The following L3MBTL4 variants were observed in gnomAD, a reference collection of about 807,000 sequenced individuals.
The protein encoded by L3MBTL4 is L3MBTL histone methyl-lysine binding protein 4.
A neutral mutation model predicts 84.5 loss-of-function variants in L3MBTL4; 70 were observed. The observed-to-expected ratio is 0.83, with a 90% CI of 0.68 to 1.01. L3MBTL4 has a LOEUF of 1.01. L3MBTL4 is among the 50% of genes least tolerant of loss of function. The pLI is 0.00. For synonymous variants in L3MBTL4, 274 were observed against 259.8 expected, an observed-to-expected ratio of 1.05 and a Z score of -0.52; for missense variants, 715 against 754.8, an observed-to-expected ratio of 0.95 and a Z score of 0.62.
At chr18:6,165,006 A>G (rs1195932510) in intron 13 of L3MBTL4, among the ~76,000 whole-genome samples, 4 of 152,224 alleles carry the variant, frequency 2.6e-5, no homozygotes, top group Non-Finnish European at 5.9e-5. Flanking sequence ...GGAGCTGAAA[A>G]CCATGGCACA....
chr18:6,077,616 T>C (rs993513545), intron 16 of L3MBTL4, among the ~76,000 whole-genome samples: 1 of 151,834 alleles, frequency 6.6e-6, no homozygotes, highest in Non-Finnish European at 1.5e-5. Flanking sequence ...AAAAACAGAA[T>C]CTGCGTGTGC....
At chr18:6,152,923 C>A (rs1002902999) in intron 13 of L3MBTL4, among the ~76,000 whole-genome samples, 1 of 152,110 alleles carries the variant, frequency 6.6e-6, no homozygotes, top group Non-Finnish European at 1.5e-5. Context: ...TGGTGCAAGA[C>A]AAGGGTCCAA....
chr18:6,351,210 C>T (rs1461945706), intron 1 of L3MBTL4, among the ~76,000 whole-genome samples: 1 of 151,966 alleles, frequency 6.6e-6, no homozygotes, highest in East Asian at 1.9e-4. Flanking sequence ...AAAGCGCATA[C>T]TACAACATAA....
At chr18:6,203,183 T>C (rs1024757620) in intron 12 of L3MBTL4, among the ~76,000 whole-genome samples, 65 of 152,024 alleles carry the variant, frequency 4.3e-4, no homozygotes, top group African/African-American at 1.5e-3. Flanking sequence ...AAAGGAACAA[T>C]GAGGTCGAAG....
At chr18:6,017,659 G>C (rs1156978266) in intron 16 of L3MBTL4, 1 of 152,188 alleles carries the variant, frequency 6.6e-6, no homozygotes, top group African/African-American at 2.4e-5. Flanking sequence ...AGTGGGATGA[G>C]TGAAGCGCTC....
chr18:6,193,655 G>A (rs754719479), intron 12 of L3MBTL4, among the ~76,000 whole-genome samples: 8 of 152,224 alleles, frequency 5.3e-5, no homozygotes, highest in East Asian at 1.9e-4. Flanking sequence ...GATAAAGGGC[G>A]AGATACAGTT....
At chr18:6,121,029 A>G (rs926293670) in intron 14 of L3MBTL4, among the ~76,000 whole-genome samples, 9 of 152,156 alleles carry the variant, frequency 5.9e-5, no homozygotes, top group Admixed American at 3.9e-4. Flanking sequence ...CATCTACTAG[A>G]TAAGTGATGT....
At chr18:6,189,285 A>G (rs1217808473) in intron 12 of L3MBTL4, among the ~76,000 whole-genome samples, 1 of 152,174 alleles carries the variant, frequency 6.6e-6, no homozygotes, top group Non-Finnish European at 1.5e-5. Flanking sequence ...TCATCTCAAG[A>G]TCCTTAACTT....
chr18:6,160,371 G>A (rs1303998512), intron 13 of L3MBTL4, among the ~76,000 whole-genome samples: 4 of 152,176 alleles, frequency 2.6e-5, no homozygotes, highest in Non-Finnish European at 5.9e-5. Flanking sequence ...AGTCAGGAGT[G>A]TTCGGAGCCA....
At chr18:6,399,666 A>G (rs2055431348) in intron 1 of L3MBTL4, 1 of 152,234 alleles carries the variant, frequency 6.6e-6, no homozygotes, top group South Asian at 2.1e-4. Context: ...CTTAGAAAAT[A>G]GCAAACTCTC....
At chr18:6,095,976 G>A (rs1424735487) in intron 14 of L3MBTL4, among the ~76,000 whole-genome samples, 1 of 152,138 alleles carries the variant, frequency 6.6e-6, no homozygotes, top group Non-Finnish European at 1.5e-5. Flanking sequence ...AAAGACAGCC[G>A]AGTTTTCATT....
At chr18:6,004,996 A>ATTTTTTTTTTTTTTTTTTTTT (rs1567973105) in intron 16 of L3MBTL4, among the ~76,000 whole-genome samples, 1 of 42,000 alleles carries the variant, frequency 2.4e-5, no homozygotes, top group Non-Finnish European at 7.0e-5. Flanking sequence ...TTAAGATGAT[A>ATTTTTTTTTTTTTTTTTTTTT]ATTTTTTTTT....
chr18:5,983,643 T>C (rs1380710448), intron 16 of L3MBTL4, among the ~76,000 whole-genome samples: 1 of 152,142 alleles, frequency 6.6e-6, no homozygotes, highest in African/African-American at 2.4e-5. Flanking sequence ...CTGCAGAGCC[T>C]CTAATAAGCC....
chr18:6,356,068 G>T (rs548211835), intron 1 of L3MBTL4, among the ~76,000 whole-genome samples: 58 of 152,316 alleles, frequency 3.8e-4, no homozygotes, highest in Admixed American at 2.5e-3. Context: ...CAGCAATGAT[G>T]CCGTCAGCTC....
intron 1 of L3MBTL4, among the ~76,000 whole-genome samples, chr18:6,367,834 C>G (rs944244744): frequency 2.6e-5 from 4 of 152,188 alleles, no homozygotes; most frequent in Non-Finnish European, 5.9e-5. Flanking sequence ...GCTTTACTTA[C>G]AAGATACGGA....
intron 4 of L3MBTL4, among the ~76,000 whole-genome samples, chr18:6,281,114 T>C (rs1385214640): frequency 2.0e-5 from 3 of 152,196 alleles, no homozygotes; most frequent in Admixed American, 2.0e-4. Flanking sequence ...CACCAAAAAG[T>C]TTCCAAATGC....
At chr18:6,248,284 C>A (rs1168146521) in intron 5 of L3MBTL4, among the ~76,000 whole-genome samples, 1 of 152,118 alleles carries the variant, frequency 6.6e-6, no homozygotes, top group Non-Finnish European at 1.5e-5. Flanking sequence ...TTCAAGATTT[C>A]TTTGCAACTT....
chr18:6,229,246 C>T (rs1391632396), intron 10 of L3MBTL4, among the ~76,000 whole-genome samples: 8 of 152,118 alleles, frequency 5.3e-5, no homozygotes, highest in Non-Finnish European at 1.2e-4. Context: ...AAGAAGAATG[C>T]TGTTTTTTAT....
At chr18:6,074,037 G>C (rs1008808263) in intron 16 of L3MBTL4, among the ~76,000 whole-genome samples, 10 of 152,030 alleles carry the variant, frequency 6.6e-5, no homozygotes, top group Non-Finnish European at 1.5e-4. Context: ...ATCTCTGAGA[G>C]TTCCTTTAAT....
Sources: allele counts gnomAD v4.1 joint callset (sites outside exome capture counted in the v4.1 genomes callset), GRCh38; gene constraint gnomAD v4.1.1; transcripts MANE v1.5; gene names NCBI Gene and HGNC (gene_info 2026-07-23, HGNC 2026-07-21).